The following SYT17 variants were observed in gnomAD, a reference collection of about 807,000 sequenced individuals.
SYT17 encodes synaptotagmin 17, also known as synaptotagmin-17.
SYT17 carries 22 observed loss-of-function variants against 46.7 expected under a neutral mutation model. The ratio of observed to expected loss-of-function variants is 0.47; its 90% CI spans 0.34 to 0.67. SYT17 has a LOEUF of 0.67. SYT17 is among the 30% of genes least tolerant of loss of function. The pLI, the probability that SYT17 is intolerant of heterozygous loss-of-function variation, is 0.01. For synonymous variants in SYT17, 251 were observed against 248.4 expected (o/e 1.01, Z -0.10); for missense variants, 519 against 612.8 (o/e 0.85, Z 1.62).
intron 5 of SYT17, among the ~76,000 whole-genome samples, chr16:19,213,528 G>T (rs1011336614): frequency 2.6e-5 from 4 of 152,160 alleles, no homozygotes; most frequent in African/African-American, 9.7e-5. Context: ...TAAAAGTAGA[G>T]AACAAAGAAC....
At chr16:19,217,279 A>T (rs1487593781) in intron 5 of SYT17, among the ~76,000 whole-genome samples, 1 of 152,112 alleles carries the variant, frequency 6.6e-6, no homozygotes, top group Non-Finnish European at 1.5e-5. Flanking sequence ...ATCTAATTCC[A>T]GTTCTGGAAT....
chr16:19,238,457 C>T (rs1022836399), intron 7 of SYT17, among the ~76,000 whole-genome samples: 17 of 152,182 alleles, frequency 1.1e-4, no homozygotes, highest in African/African-American at 4.1e-4. Flanking sequence ...GGCAGAGCCC[C>T]CAGTAGCACT....
chr16:19,216,852 G>A (rs1966115381), intron 5 of SYT17, among the ~76,000 whole-genome samples: 1 of 152,208 alleles, frequency 6.6e-6, no homozygotes, highest in African/African-American at 2.4e-5. Context: ...ACATGTGCAT[G>A]TGTCTTTATA....
At chr16:19,202,929 G>A (rs985504346) in intron 5 of SYT17, among the ~76,000 whole-genome samples, 1 of 152,010 alleles carries the variant, frequency 6.6e-6, no homozygotes, top group Non-Finnish European at 1.5e-5. Context: ...GGTTGCCCAG[G>A]CTGATCTCAA....
rs199578890 is a variant in SYT17 at position 19,221,207 on chromosome 16, A to AAG, written c.952-1826_952-1825dup. On this transcript the variant is annotated intron_variant, in intron 5 of 7. Transcript: ENST00000355377. The stretch of plus-strand genomic sequence containing the variant: ...GTCTCAAAAAAAAAAAAAAAAAAAA[A>AAG]AGAGAGAGAGAGAATGAGGAATCTG... Among the ~76,000 whole-genome samples, 90 of 147,202 alleles carry AAG rather than the reference A, an allele frequency of 6.1e-4. 1 individual carries two copies. Among genetic ancestry groups the AAG allele is most frequent in the African/African-American group, 2.2e-3 (85 of 38,686 alleles).
At chr16:19,179,737 C>T (rs1159802266) in intron 3 of SYT17, among the ~76,000 whole-genome samples, 1 of 152,206 alleles carries the variant, frequency 6.6e-6, no homozygotes, top group African/African-American at 2.4e-5. Flanking sequence ...AATGACTACC[C>T]TGTATCGTCT....
At chr16:19,176,235 G>A (rs1000376757) in intron 3 of SYT17, among the ~76,000 whole-genome samples, 2 of 151,992 alleles carry the variant, frequency 1.3e-5, no homozygotes, top group Non-Finnish European at 2.9e-5. Context: ...ATTCTGTTGC[G>A]GTTGCATAAA....
rs142043097 is a variant in SYT17, at chr16:19,185,920, T to C, written c.951+1773T>C. Among the ~76,000 whole-genome samples the C allele has an allele frequency of 1.4e-4, 21 of 152,252 alleles. 2 individuals carry two copies. In the East Asian group the frequency reaches 3.9e-3, roughly 28 times the overall value. ...GTAATCACACCTGGTGAATATCTAA[T>C]TGGGCAGACAAGAGGCGGGGAGTGT... On this transcript the variant is annotated intron_variant, in intron 5 of 7. Coordinates refer to ENST00000355377, the MANE Select transcript of SYT17 (RefSeq NM_016524.4).
At chr16:19,226,547 A>G (rs554549251) in intron 7 of SYT17, among the ~76,000 whole-genome samples, 1 of 152,298 alleles carries the variant, frequency 6.6e-6, no homozygotes, top group Admixed American at 6.5e-5. Context: ...TCTGCGTTGA[A>G]TCAGGGGATG....
intron 3 of SYT17, among the ~76,000 whole-genome samples, chr16:19,178,809 C>T (rs369222189): frequency 6.6e-6 from 1 of 152,064 alleles, no homozygotes; most frequent in South Asian, 2.1e-4. Flanking sequence ...ACGACGTCAC[C>T]AGCTGTTTTT....
At chr16:19,190,378 T>A (rs575025846) in intron 5 of SYT17, among the ~76,000 whole-genome samples, 38 of 151,768 alleles carry the variant, frequency 2.5e-4, no homozygotes, top group African/African-American at 7.5e-4. Context: ...TCTCGAAATT[T>A]AAAAAAAAAT....
chr16:19,201,518 G>T (rs1965462522), intron 5 of SYT17, among the ~76,000 whole-genome samples: 1 of 152,076 alleles, frequency 6.6e-6, no homozygotes, highest in African/African-American at 2.4e-5. Flanking sequence ...AAGTGGGGAA[G>T]GGAGGAGTGC....
At chr16:19,239,939 G>T (rs554163847) in intron 7 of SYT17, among the ~76,000 whole-genome samples, 1 of 152,356 alleles carries the variant, frequency 6.6e-6, no homozygotes, top group African/African-American at 2.4e-5. Context: ...GTGCCAGCAT[G>T]GGTGCCGGCT....
In SYT17 at chr16:19,236,504, C is replaced by T. The variant is rs377075937; in HGVS notation, c.1228+11666C>T. On this transcript the variant is annotated intron_variant, in intron 7 of 7. Transcript: ENST00000355377. ...GTTCTGAGGTCTCTAGGACTACCTC[C>T]CTTCAGACCAGTTGGTTACAATTTC... Among the ~76,000 whole-genome samples, 105 of 152,222 alleles carry T rather than the reference C, an allele frequency of 6.9e-4. 1 individual carries two copies. The highest frequency in any genetic ancestry group is 2.5e-3 in the African/African-American group (102 of 41,538).
At chr16:19,172,878 A>G (rs1282772185) in intron 2 of SYT17, 101 bp downstream of exon 2, 11 of 1,398,254 alleles carry the variant, frequency 7.9e-6, no homozygotes, top group Non-Finnish European at 1.0e-5. Flanking sequence ...TTGAATATTC[A>G]ACAATAACCT....
At chr16:19,240,273 G>A (rs1005125033) in intron 7 of SYT17, among the ~76,000 whole-genome samples, 5 of 152,186 alleles carry the variant, frequency 3.3e-5, no homozygotes, top group Non-Finnish European at 5.9e-5. Context: ...AATGAGGTAC[G>A]CAGACAAGTG....
chr16:19,172,321 G>A (rs966672889), intron 1 of SYT17: 8 of 1,330,774 alleles, frequency 6.0e-6, no homozygotes, highest in African/African-American at 3.0e-5. Context: ...GGGCGGGGGA[G>A]CCAAGTAACA....
chr16:19,211,166 T>C (rs1364565940), intron 5 of SYT17: 2 of 426,720 alleles, frequency 4.7e-6, no homozygotes, highest in East Asian at 3.8e-5. Flanking sequence ...CATCGGGCTC[T>C]TACAAGAAAG....
In SYT17 at chr16:19,185,605, T is replaced by TAA. The variant is rs11404684; in HGVS notation, c.951+1471_951+1472dup. 2.8e-3 allele frequency among the ~76,000 whole-genome samples: 407 copies of TAA among 144,896 alleles called. 1 individual carries two copies. Among genetic ancestry groups the TAA allele is most frequent in the East Asian group, 3.6e-3 (18 of 4,962 alleles). On this transcript the variant is annotated intron_variant, in intron 5 of 7. Coordinates refer to ENST00000355377, the MANE Select transcript of SYT17 (RefSeq NM_016524.4). Reference sequence around the variant, plus strand: ...TTGACAGAGTGAGACCCTGTCTCTTTAAAAAAAAAAAAAAGTTGCCTTTCC... The same window carrying TAA: ...TTGACAGAGTGAGACCCTGTCTCTTTAAAAAAAAAAAAAAAAGTTGCCTTTCC...
Sources: gnomAD v4.1 joint callset for allele counts (sites outside exome capture counted in the v4.1 genomes callset) on GRCh38, gnomAD v4.1.1 for gene constraint, MANE v1.5 for transcripts, NCBI Gene and HGNC (gene_info 2026-07-23, HGNC 2026-07-21) for gene names.